The following NAV2 variants were observed in gnomAD, a reference collection of about 807,000 sequenced individuals.
The protein encoded by NAV2 is neuron navigator 2, also known as helicase, APC down-regulated 1.
Under a neutral mutation model 223.2 loss-of-function variants are expected in NAV2, and 54 were observed. That is an observed-to-expected ratio of 0.24 (90% CI 0.19 to 0.30). NAV2 has a LOEUF of 0.30. Among genes scored for constraint, NAV2 ranks in the 10% least tolerant of loss-of-function variants. The pLI, the probability that NAV2 is intolerant of heterozygous loss-of-function variation, is 1.00. For missense variants in NAV2, 2,806 were observed against 3,147.5 expected, an observed-to-expected ratio of 0.89 and a Z score of 2.60; for synonymous variants, 1,279 against 1,239.3, an observed-to-expected ratio of 1.03 and a Z score of -0.67.
At chr11:19,884,726 C>T (rs770646459) in intron 5 of NAV2, among the ~76,000 whole-genome samples, 8 of 152,198 alleles carry the variant, frequency 5.3e-5, no homozygotes, top group South Asian at 2.1e-4. Flanking sequence ...CTTCCTGCTT[C>T]GTCCTGGCCC....
At chr11:19,505,496 C>T (rs2043096708) in intron 1 of NAV2, 1 of 152,156 alleles carries the variant, frequency 6.6e-6, no homozygotes, top group African/African-American at 2.4e-5. Context: ...TTCATTGGGT[C>T]AACTTGGGCC....
chr11:19,814,890 C>G (rs759699410), intron 1 of NAV2, among the ~76,000 whole-genome samples: 1 of 152,292 alleles, frequency 6.6e-6, no homozygotes, highest in Non-Finnish European at 1.5e-5. Flanking sequence ...CCTTCTCCCC[C>G]ACCTATCTAA....
intron 1 of NAV2, among the ~76,000 whole-genome samples, chr11:19,449,515 G>C (rs1328559231): frequency 6.6e-6 from 1 of 151,790 alleles, no homozygotes; most frequent in African/African-American, 2.4e-5. Flanking sequence ...TCTATACTAA[G>C]CCTGCCCATA....
intron 1 of NAV2, among the ~76,000 whole-genome samples, chr11:19,476,585 A>G (rs1372502076): frequency 6.6e-6 from 1 of 152,070 alleles, no homozygotes. Flanking sequence ...CCCCTGAACT[A>G]TGTTCTGAGT....
intron 1 of NAV2, among the ~76,000 whole-genome samples, chr11:19,592,905 T>G (rs2046101802): frequency 6.6e-6 from 1 of 152,224 alleles, no homozygotes; most frequent in African/African-American, 2.4e-5. Context: ...AGAGATCCCA[T>G]GTAAAGATAG....
intron 11 of NAV2, among the ~76,000 whole-genome samples, chr11:20,015,732 T>C (rs375308526): frequency 4.6e-5 from 7 of 152,292 alleles, no homozygotes; most frequent in East Asian, 3.9e-4. Context: ...CAGCTGATAT[T>C]TTAAAGAGAA....
chr11:19,451,626 A>G (rs1265610520), intron 1 of NAV2, among the ~76,000 whole-genome samples: 2 of 152,218 alleles, frequency 1.3e-5, no homozygotes, highest in Admixed American at 6.5e-5. Context: ...TGAGAAGTGT[A>G]GGATGCTAGG....
At chr11:20,113,998 A>G (rs1413662100) in intron 36 of NAV2, among the ~76,000 whole-genome samples, 4 of 152,198 alleles carry the variant, frequency 2.6e-5, no homozygotes, top group African/African-American at 7.2e-5. Context: ...GCAACATTGC[A>G]AAACCTTGTC....
rs539038742 is a variant in NAV2, at chr11:19,590,171, G to A, written c.75+239144G>A. Among the ~76,000 whole-genome samples, 16 of 152,294 alleles carry A rather than the reference G, an allele frequency of 1.1e-4. 1 individual carries two copies. Among genetic ancestry groups the A allele is most frequent in the African/African-American group, 3.6e-4 (15 of 41,566 alleles). On this transcript the variant is annotated intron_variant, in intron 1 of 37. Transcript: ENST00000360655. ...ACCTAGCTTTTAGAGCTGCTGCGAG[G>A]ATTAGATGAGGTAATGCATGTAAAG...
chr11:19,743,825 C>A (rs533641583), intron 1 of NAV2, among the ~76,000 whole-genome samples: 1 of 152,144 alleles, frequency 6.6e-6, no homozygotes, highest in Non-Finnish European at 1.5e-5. Flanking sequence ...CTGGACTGGT[C>A]CAGCCCAAAG....
intron 6 of NAV2, among the ~76,000 whole-genome samples, chr11:19,921,121 A>T (rs923303953): frequency 1.3e-5 from 2 of 152,230 alleles, no homozygotes; most frequent in Non-Finnish European, 1.5e-5. Context: ...CCAGAAATCT[A>T]GTAGGGCTGT....
intron 1 of NAV2, among the ~76,000 whole-genome samples, chr11:19,417,838 G>T (rs185314826): frequency 6.6e-6 from 1 of 152,266 alleles, no homozygotes; most frequent in African/African-American, 2.4e-5. Flanking sequence ...GATGAAGCTG[G>T]AAACCATCAT....
intron 1 of NAV2, among the ~76,000 whole-genome samples, chr11:19,534,507 G>C (rs1298837806): frequency 6.6e-6 from 1 of 152,248 alleles, no homozygotes. Flanking sequence ...AGGTGAGAGA[G>C]AGAGAAGTGA....
intron 1 of NAV2, among the ~76,000 whole-genome samples, chr11:19,763,707 G>GA (rs1004643612): frequency 1.0e-4 from 15 of 150,600 alleles, no homozygotes; most frequent in African/African-American, 3.4e-4. Flanking sequence ...GACTGTTAAG[G>GA]AAAAAAAAGA....
intron 11 of NAV2, among the ~76,000 whole-genome samples, chr11:20,004,865 G>A (rs1422068528): frequency 6.6e-6 from 1 of 152,130 alleles, no homozygotes; most frequent in Non-Finnish European, 1.5e-5. Context: ...ATAGCACAGT[G>A]GTTAAGAGCA....
At chr11:19,456,116 C>G (rs984345646) in intron 1 of NAV2, among the ~76,000 whole-genome samples, 5 of 152,204 alleles carry the variant, frequency 3.3e-5, no homozygotes, top group African/African-American at 9.6e-5. Flanking sequence ...CCCACCAGCT[C>G]CTCCAAGACA....
At chr11:19,423,388 G>A (rs1279749401) in intron 1 of NAV2, among the ~76,000 whole-genome samples, 1 of 152,240 alleles carries the variant, frequency 6.6e-6, no homozygotes, top group Non-Finnish European at 1.5e-5. Context: ...TAGGCCATGT[G>A]TGAGGTGCTG....
chr11:19,580,728 G>C (rs761913969), intron 1 of NAV2, among the ~76,000 whole-genome samples: 32 of 152,084 alleles, frequency 2.1e-4, no homozygotes, highest in Non-Finnish European at 3.4e-4. Context: ...TGCTATTATG[G>C]GGAGTACCGC....
intron 11 of NAV2, among the ~76,000 whole-genome samples, chr11:20,016,867 G>A (rs914621438): frequency 2.0e-5 from 3 of 151,928 alleles, no homozygotes; most frequent in Admixed American, 6.6e-5. Flanking sequence ...TTAGCCAGGT[G>A]CGGTGGCGCA....
Sources: allele counts gnomAD v4.1 joint callset (sites outside exome capture counted in the v4.1 genomes callset), GRCh38; gene constraint gnomAD v4.1.1; transcripts MANE v1.5; gene names NCBI Gene and HGNC (gene_info 2026-07-23, HGNC 2026-07-21).